Variants in PTPN4 observed in about 807,000 individuals in gnomAD.
PTPN4 encodes the protein tyrosine-protein phosphatase non-receptor type 4.
PTPN4 carries 49 observed loss-of-function variants against 135.5 expected under a neutral mutation model. The ratio of observed to expected loss-of-function variants is 0.36; its 90% CI spans 0.29 to 0.46. The LOEUF (loss-of-function observed/expected upper bound fraction) is 0.46. Ranked by LOEUF, PTPN4 falls within the 20% of genes least tolerant of loss-of-function variation. PTPN4 has a pLI of 1.00. For synonymous variants in PTPN4, 333 were observed against 369.9 expected, an observed-to-expected ratio of 0.90 and a Z score of 1.14; for missense variants, 860 against 1,101.0, an observed-to-expected ratio of 0.78 and a Z score of 3.10.
chr2:119,840,404 T>C (rs1444230511), intron 2 of PTPN4, among the ~76,000 whole-genome samples: 1 of 152,216 alleles, frequency 6.6e-6, no homozygotes, highest in Non-Finnish European at 1.5e-5. Context: ...GGATAATGGC[T>C]TCCAGCTCCA....
At chr2:119,956,037 A>AT (rs1188885712) in intron 20 of PTPN4, among the ~76,000 whole-genome samples, 1 of 151,980 alleles carries the variant, frequency 6.6e-6, no homozygotes, top group Non-Finnish European at 1.5e-5. Flanking sequence ...ATACCTTGTC[A>AT]TTTAATCTTT....
chr2:119,955,159 G>C lies in PTPN4; in HGVS notation c.1816G>C (p.Val606Leu), dbSNP rs778940180. ...ELMLLVRPNA[V>L]YDVVEEKLEN... ...TTTGTTTGATTTTTTTTTTTTAGCT[G>C]TATATGATGTAGTGGAAGAAAAGCT... is the stretch of plus-strand genomic sequence containing the variant. Residue 606 changes from valine (V) to leucine (L), a missense_variant and splice_region_variant, in exon 20 of 27, where the codon GTA becomes CTA. Coordinates refer to ENST00000263708, the MANE Select transcript of PTPN4 (RefSeq NM_002830.4). 6.3e-7 allele frequency: 1 copy of C among 1,588,914 alleles called. No homozygotes were observed. The highest frequency in any genetic ancestry group is 1.2e-5 in the South Asian group (1 of 86,574).
Position 119,956,889 on chromosome 2 carries a change from T to G in PTPN4, c.2026T>G (p.Leu676Val). 1.2e-6 allele frequency: 2 copies of G among 1,609,430 alleles called. No homozygotes were observed. The highest frequency in any genetic ancestry group is 1.7e-6 in the Non-Finnish European group (2 of 1,178,980). ...TGGAATGACAATGTCCTGTGCCAAA[T>G]TACCTCAGAATATTTCCAAAAATAG... ...KPGMTMSCAK[L>V]PQNISKNRYR... The change falls in exon 21 of 27, where the codon TTA (leucine) becomes GTA (valine). Residue 676 changes from leucine (L) to valine (V), a missense_variant. By Grantham distance (32) the Leu-to-Val change is conservative (BLOSUM62 1). This residue lies in a region of PTPN4 where 684 missense variants were observed against 807.0 expected (regional missense o/e 0.85). Transcript: ENST00000263708.
chr2:119,858,918 G>A (rs1312441002), intron 2 of PTPN4, among the ~76,000 whole-genome samples: 1 of 152,150 alleles, frequency 6.6e-6, no homozygotes, highest in Non-Finnish European at 1.5e-5. Context: ...ACAGGTGTGA[G>A]CCACCGCACC....
Position 119,939,238 on chromosome 2 carries a change from T to G in PTPN4, c.1355+4280T>G, listed in dbSNP as rs192032701. Among the ~76,000 whole-genome samples, 27 of 152,334 alleles carry G rather than the reference T, an allele frequency of 1.8e-4. No individual in the cohort carries two copies. In the East Asian group the frequency reaches 4.6e-3, roughly 26 times the overall value. On this transcript the variant is annotated intron_variant, in intron 15 of 26. Transcript: ENST00000263708. ...TGAAGAATTCTCCAGATTCTCAACT[T>G]TATTCTTACATTCCTAATCACAAGA...
chr2:119,945,317 C>T (rs1679116451), intron 16 of PTPN4, 77 bp downstream of exon 16: 1 of 1,346,094 alleles, frequency 7.4e-7, no homozygotes, highest in South Asian at 1.6e-5. Flanking sequence ...TGTACTTTGG[C>T]AGTTTTTAGT....
intron 9 of PTPN4, among the ~76,000 whole-genome samples, chr2:119,900,487 A>G (rs1678386682): frequency 6.6e-6 from 1 of 152,096 alleles, no homozygotes; most frequent in Admixed American, 6.6e-5. Context: ...CCTGAGATCC[A>G]TTTTACTTTA....
At chr2:119,838,722 C>T (rs888980090) in intron 2 of PTPN4, among the ~76,000 whole-genome samples, 2 of 152,196 alleles carry the variant, frequency 1.3e-5, no homozygotes, top group Non-Finnish European at 2.9e-5. Flanking sequence ...ACCTTGTTCT[C>T]TAGCTGGTCC....
chr2:119,798,252 C>T (rs1393628267), intron 1 of PTPN4, among the ~76,000 whole-genome samples: 3 of 151,784 alleles, frequency 2.0e-5, no homozygotes, highest in Admixed American at 6.6e-5. Context: ...CTGCAACCTC[C>T]GCCTTCCAGG....
chr2:119,765,935 C>CGT (rs1690607876), intron 1 of PTPN4, among the ~76,000 whole-genome samples: 1 of 44,690 alleles, frequency 2.2e-5, no homozygotes, highest in Non-Finnish European at 5.8e-5. Flanking sequence ...TGTGTGTGTG[C>CGT]GCGCGCGCAT....
At chr2:119,912,868 C>A (rs1366597168) in intron 10 of PTPN4, among the ~76,000 whole-genome samples, 1 of 152,000 alleles carries the variant, frequency 6.6e-6, no homozygotes, top group Non-Finnish European at 1.5e-5. Flanking sequence ...GGAGCCATTT[C>A]CTGTTCTTTT....
At chr2:119,775,837 CTATATA>C (rs1172010858) in intron 1 of PTPN4, among the ~76,000 whole-genome samples, 1 of 111,442 alleles carries the variant, frequency 9.0e-6, no homozygotes, top group African/African-American at 3.1e-5. Flanking sequence ...ATATCTATAT[CTATATA>C]TCTATCTATA....
intron 2 of PTPN4, among the ~76,000 whole-genome samples, chr2:119,840,072 TCAG>T (rs1677357672): frequency 6.6e-6 from 1 of 152,356 alleles, no homozygotes; most frequent in Non-Finnish European, 1.5e-5. Context: ...GCATTTTTCT[TCAG>T]CAGGTGATTT....
At position 119,917,704 on chromosome 2, in the gene PTPN4, G is replaced by A. The variant is rs994755453; in HGVS notation, c.829-2365G>A. Among the ~76,000 whole-genome samples the A allele has an allele frequency of 1.1e-4, 17 of 151,852 alleles. 1 individual carries two copies. Among genetic ancestry groups the A allele is most frequent in the African/African-American group, 1.5e-4 (6 of 41,322 alleles). On this transcript the variant is annotated intron_variant, in intron 11 of 26. Coordinates refer to ENST00000263708, the MANE Select transcript of PTPN4 (RefSeq NM_002830.4). ...ATATCGCACCACTGTACTCCAGCCC[G>A]GACAACAGAGCTGGACTCTGTCTCA...
intron 3 of PTPN4, among the ~76,000 whole-genome samples, chr2:119,867,647 G>A (rs12622179): frequency 1.3e-5 from 2 of 151,958 alleles, no homozygotes; most frequent in African/African-American, 4.8e-5. Context: ...AAATTCTATA[G>A]AATTTTGTAC....
intron 2 of PTPN4, among the ~76,000 whole-genome samples, chr2:119,812,359 A>G (rs1676904705): frequency 1.3e-5 from 2 of 152,182 alleles, no homozygotes; most frequent in African/African-American, 4.8e-5. Context: ...AGAACTACTC[A>G]GTTTCCTTTG....
intron 3 of PTPN4, among the ~76,000 whole-genome samples, chr2:119,876,253 G>C (rs1323901858): frequency 6.6e-6 from 1 of 152,146 alleles, no homozygotes; most frequent in African/African-American, 2.4e-5. Context: ...TTATGTTTTA[G>C]GACTATTCTT....
chr2:119,968,809 G>A (rs187023353), intron 26 of PTPN4, among the ~76,000 whole-genome samples: 64 of 152,114 alleles, frequency 4.2e-4, no homozygotes, highest in Middle Eastern at 6.8e-3. Flanking sequence ...AAGAACTTAC[G>A]TTGCAACAAC....
At chr2:119,963,885 T>C (rs145779183) in intron 24 of PTPN4, among the ~76,000 whole-genome samples, 32 of 152,316 alleles carry the variant, frequency 2.1e-4, no homozygotes, top group African/African-American at 7.5e-4. Context: ...ATACTCCACC[T>C]GTAGATTATC....
Sources: gnomAD v4.1 joint callset for allele counts (sites outside exome capture counted in the v4.1 genomes callset) on GRCh38, gnomAD v4.1.1 for gene constraint, gnomAD v4.1.1 regional missense constraint, MANE v1.5 for transcripts, NCBI Gene and HGNC (gene_info 2026-07-23, HGNC 2026-07-21) for gene names.